Variants in IAPP observed in about 807,000 individuals in gnomAD.
IAPP encodes the protein islet amyloid polypeptide.
A neutral mutation model predicts 2.9 loss-of-function variants in IAPP; 4 were observed. That is an observed-to-expected ratio of 1.39 (90% CI 0.69 to 3.19). The LOEUF is 3.19. Among genes scored for constraint, IAPP ranks in the 30% most tolerant of loss-of-function variants. IAPP has a pLI of 0.01. For synonymous variants in IAPP, 40 were observed against 42.1 expected, an observed-to-expected ratio of 0.95 and a Z score of 0.19; for missense variants, 114 against 105.3, an observed-to-expected ratio of 1.08 and a Z score of -0.36.
intron 2 of IAPP, among the ~76,000 whole-genome samples, chr12:21,375,841 G>A (rs1940155422): frequency 1.3e-5 from 2 of 152,202 alleles, no homozygotes; most frequent in Admixed American, 6.5e-5. Flanking sequence ...GTATGTGCCT[G>A]TAAGTGGTCT....
At chr12:21,366,619 GACC>G (rs1369369752) in intron 1 of IAPP, among the ~76,000 whole-genome samples, 1 of 151,880 alleles carries the variant, frequency 6.6e-6, no homozygotes, top group Non-Finnish European at 1.5e-5. Flanking sequence ...AGGAAATGAA[GACC>G]ACAACAGAAG....
intron 1 of IAPP, among the ~76,000 whole-genome samples, chr12:21,362,377 C>A (rs1282795938): frequency 6.6e-6 from 1 of 152,164 alleles, no homozygotes; most frequent in African/African-American, 2.4e-5. Flanking sequence ...CCATGCCTGA[C>A]TTACAAGAGC....
intron 1 of IAPP, among the ~76,000 whole-genome samples, chr12:21,362,807 C>T (rs1013109779): frequency 6.6e-6 from 1 of 152,290 alleles, no homozygotes; most frequent in South Asian, 2.1e-4. Context: ...AAGGCCATTA[C>T]ATAATGGTAA....
chr12:21,377,451 A>G (rs1252552461), intron 2 of IAPP, among the ~76,000 whole-genome samples: 4 of 152,178 alleles, frequency 2.6e-5, no homozygotes, highest in African/African-American at 9.7e-5. Context: ...CAAATTTTTA[A>G]GCATGCAATA....
intron 2 of IAPP, among the ~76,000 whole-genome samples, chr12:21,377,348 CT>C (rs1314109240): frequency 6.6e-6 from 1 of 152,062 alleles, no homozygotes; most frequent in Non-Finnish European, 1.5e-5. Context: ...ATGATATTCT[CT>C]TTTTTTGACA....
intron 2 of IAPP, chr12:21,373,734 G>T (rs567801214): frequency 1.4e-5 from 10 of 701,006 alleles, no homozygotes; most frequent in Non-Finnish European, 2.6e-5. Context: ...AAATCAAAAG[G>T]TAGTAATTTC....
chr12:21,372,106 A>G (rs375541064), upstream of IAPP, among the ~76,000 whole-genome samples: 1 of 152,234 alleles, frequency 6.6e-6, no homozygotes, highest in South Asian at 2.1e-4. Context: ...GACAAACTAC[A>G]AAGTACTGTG....
Position 21,378,624 on chromosome 12 carries a change from A to G in IAPP, c.*198A>G, listed in dbSNP as rs984599078. The stretch of plus-strand genomic sequence containing the variant: ...TAATAAAAAGATAGTATCTTTTAAA[A>G]TGAAATGTTTTTGCTATAGATTTGT... On this transcript the variant is annotated 3_prime_UTR_variant, in exon 3 of 3. Transcript: ENST00000240652. 2.7e-5 allele frequency: 14 copies of G among 524,890 alleles called. No homozygotes were observed. The highest frequency in any genetic ancestry group is 3.2e-5 in the Admixed American group (1 of 31,050). 32.5% of individuals were successfully genotyped at this position (524,890 alleles called of 1,614,324 possible).
upstream of IAPP, among the ~76,000 whole-genome samples, chr12:21,372,218 C>T (rs1330969449): frequency 6.6e-6 from 1 of 152,110 alleles, no homozygotes; most frequent in Non-Finnish European, 1.5e-5. Flanking sequence ...TGGAAAAGGT[C>T]ATCCAAAAAC....
chr12:21,377,598 C>T (rs1008734404), intron 2 of IAPP, among the ~76,000 whole-genome samples: 2 of 152,120 alleles, frequency 1.3e-5, no homozygotes, highest in Middle Eastern at 3.2e-3. Context: ...ACCACCATTC[C>T]ACTCTTTAAC....
intron 1 of IAPP, among the ~76,000 whole-genome samples, chr12:21,362,516 A>T (rs1938996342): frequency 6.6e-6 from 1 of 152,196 alleles, no homozygotes; most frequent in African/African-American, 2.4e-5. Context: ...ACCAGCTAAC[A>T]TCATAATGAC....
chr12:21,357,130 C>T (rs1489736956), intron 1 of IAPP, among the ~76,000 whole-genome samples: 3 of 152,110 alleles, frequency 2.0e-5, no homozygotes, highest in South Asian at 4.1e-4. Flanking sequence ...TGTGTCCCTG[C>T]AAAATGCATC....
At chr12:21,363,536 A>G (rs536773317) in intron 1 of IAPP, among the ~76,000 whole-genome samples, 1 of 152,220 alleles carries the variant, frequency 6.6e-6, no homozygotes, top group African/African-American at 2.4e-5. Context: ...GGCAAGAAAT[A>G]ACTAAGATCA....
At chr12:21,361,752 A>C (rs775386470) in intron 1 of IAPP, among the ~76,000 whole-genome samples, 26 of 152,218 alleles carry the variant, frequency 1.7e-4, no homozygotes, top group Non-Finnish European at 1.9e-4. Flanking sequence ...ACGCATGTAC[A>C]AGCTTCAGTA....
chr12:21,364,023 G>C (rs767656010), intron 1 of IAPP, among the ~76,000 whole-genome samples: 9 of 152,306 alleles, frequency 5.9e-5, no homozygotes, highest in South Asian at 2.1e-4. Context: ...TAGAAAAAGA[G>C]GGAATCCTCC....
At chr12:21,365,288 A>C (rs1187354599) in intron 1 of IAPP, among the ~76,000 whole-genome samples, 16 of 152,238 alleles carry the variant, frequency 1.1e-4, no homozygotes, top group South Asian at 2.1e-4. Flanking sequence ...CAAAAACAAG[A>C]AATGGGGAAA....
At chr12:21,359,031 C>G (rs1230476066) in intron 1 of IAPP, among the ~76,000 whole-genome samples, 2 of 152,156 alleles carry the variant, frequency 1.3e-5, no homozygotes, top group African/African-American at 4.8e-5. Flanking sequence ...GCTAAGACAG[C>G]AATGTTAACA....
chr12:21,373,269 A>G, intron 1 of IAPP, 68 bp from the exon 2 acceptor site: 1 of 980,634 alleles, frequency 1.0e-6, no homozygotes, highest in South Asian at 1.3e-5. Flanking sequence ...ACTAAGCTCT[A>G]ATTTAAAATT....
intron 1 of IAPP, among the ~76,000 whole-genome samples, chr12:21,362,328 G>C (rs1331676858): frequency 6.6e-6 from 1 of 152,050 alleles, no homozygotes; most frequent in Non-Finnish European, 1.5e-5. Flanking sequence ...GAAATAAAAT[G>C]CTTTACAGAC....
Sources: gnomAD v4.1 joint callset for allele counts (sites outside exome capture counted in the v4.1 genomes callset) on GRCh38, gnomAD v4.1.1 for gene constraint, MANE v1.5 for transcripts, NCBI Gene and HGNC (gene_info 2026-07-23, HGNC 2026-07-21) for gene names.